Variants in GPC5 observed in about 807,000 individuals in gnomAD.
The protein encoded by GPC5 is glypican-5.
In GPC5, 47 loss-of-function variants were observed where a neutral mutation model predicts 53.9. That is an observed-to-expected ratio of 0.87 (90% confidence interval 0.69 to 1.11). The LOEUF (loss-of-function observed/expected upper bound fraction) is 1.11, where lower values mean the gene tolerates loss of function less well. Ranked by LOEUF, GPC5 falls within the 50% of genes most tolerant of loss-of-function variation. GPC5 has a pLI of 0.00. For synonymous variants in GPC5, 286 were observed against 263.3 expected (o/e 1.09, Z -0.84); for missense variants, 748 against 713.1 (o/e 1.05, Z -0.56).
chr13:91,787,431 T>C (rs1003465564), intron 5 of GPC5, among the ~76,000 whole-genome samples: 1 of 152,210 alleles, frequency 6.6e-6, no homozygotes, highest in African/African-American at 2.4e-5. Context: ...GAGGTGATCA[T>C]ATGTTTTTAA....
At chr13:92,090,428 T>C (rs2041370671) in intron 6 of GPC5, among the ~76,000 whole-genome samples, 1 of 151,528 alleles carries the variant, frequency 6.6e-6, no homozygotes, top group African/African-American at 2.4e-5. Context: ...TATAAAAGAG[T>C]CCCCAGAGAG....
intron 1 of GPC5, among the ~76,000 whole-genome samples, chr13:91,421,163 CCAAGGATTTTAG>C (rs1241906320): frequency 1.3e-5 from 2 of 152,174 alleles, no homozygotes; most frequent in African/African-American, 4.8e-5. Context: ...ATAAACACTT[CCAAGGATTTTAG>C]CATCATTCAC....
chr13:92,724,875 T>TACACAC (rs58824655), intron 7 of GPC5, among the ~76,000 whole-genome samples: 2,297 of 137,734 alleles, frequency 0.017, 33 homozygotes, highest in Non-Finnish European at 0.022. Context: ...GTCCTACACA[T>TACACAC]ACACACACAC....
chr13:91,436,784 G>A (rs985495602), intron 1 of GPC5, among the ~76,000 whole-genome samples: 1 of 152,058 alleles, frequency 6.6e-6, no homozygotes, highest in Admixed American at 6.6e-5. Context: ...GTTGACAGTG[G>A]GGTGTTAAAG....
intron 7 of GPC5, among the ~76,000 whole-genome samples, chr13:92,857,409 T>TA (rs1163890486): frequency 1.3e-5 from 2 of 152,022 alleles, no homozygotes; most frequent in Non-Finnish European, 2.9e-5. Flanking sequence ...TCATCCTTGG[T>TA]AAAAAATTTA....
chr13:92,288,319 A>G (rs1453520995), intron 7 of GPC5, among the ~76,000 whole-genome samples: 1 of 152,024 alleles, frequency 6.6e-6, no homozygotes, highest in Admixed American at 6.6e-5. Flanking sequence ...TCTCTGTTTT[A>G]TAGTATTTTT....
At chr13:91,404,882 A>G (rs921522435) in intron 1 of GPC5, among the ~76,000 whole-genome samples, 8 of 152,254 alleles carry the variant, frequency 5.3e-5, no homozygotes, top group Non-Finnish European at 1.2e-4. Context: ...GCCCCCTGCT[A>G]AGCATGACTA....
chr13:92,443,899 C>A (rs1877683356), intron 7 of GPC5, among the ~76,000 whole-genome samples: 1 of 152,140 alleles, frequency 6.6e-6, no homozygotes, highest in African/African-American at 2.4e-5. Flanking sequence ...GAAAAATGTT[C>A]TTGATCATTG....
intron 5 of GPC5, among the ~76,000 whole-genome samples, chr13:91,826,863 A>T (rs982684384): frequency 6.6e-6 from 1 of 152,084 alleles, no homozygotes; most frequent in Non-Finnish European, 1.5e-5. Context: ...AAATCAATTC[A>T]TGATGGATCA....
chr13:92,758,748 A>G (rs1050757364), intron 7 of GPC5, among the ~76,000 whole-genome samples: 9 of 152,076 alleles, frequency 5.9e-5, no homozygotes, highest in African/African-American at 1.9e-4. Flanking sequence ...TAATTCAGAA[A>G]TTACATGGGA....
intron 5 of GPC5, among the ~76,000 whole-genome samples, chr13:91,852,329 G>A (rs1045499303): frequency 7.2e-5 from 11 of 152,022 alleles, no homozygotes; most frequent in South Asian, 2.1e-4. Flanking sequence ...CAATATCACC[G>A]TCTTTCACTT....
intron 7 of GPC5, among the ~76,000 whole-genome samples, chr13:92,195,078 G>A (rs1296589022): frequency 6.6e-6 from 1 of 152,138 alleles, no homozygotes; most frequent in African/African-American, 2.4e-5. Context: ...GATAAGAATT[G>A]ACAATGAATC....
chr13:92,406,465 G>T (rs1424659747), intron 7 of GPC5, among the ~76,000 whole-genome samples: 3 of 152,046 alleles, frequency 2.0e-5, no homozygotes, highest in African/African-American at 7.3e-5. Context: ...ATATCAACTT[G>T]GAGATCATTT....
chr13:92,044,896 G>T (rs1437818181), intron 6 of GPC5, among the ~76,000 whole-genome samples: 1 of 151,974 alleles, frequency 6.6e-6, no homozygotes, highest in African/African-American at 2.4e-5. Context: ...TTAAAAGGTT[G>T]GTGAAAATAA....
chr13:92,197,210 GA>G (rs1024445087), intron 7 of GPC5, among the ~76,000 whole-genome samples: 7 of 149,544 alleles, frequency 4.7e-5, no homozygotes, highest in Non-Finnish European at 7.4e-5. Flanking sequence ...CCAAGGATGT[GA>G]AAAAAAAATA....
rs113072420 is a variant in GPC5 at position 92,856,524 on chromosome 13, A to G, written c.1562-9758A>G. Among the ~76,000 whole-genome samples the G allele has an allele frequency of 1.4e-4, 21 of 152,248 alleles. 1 individual carries two copies. The highest frequency in any genetic ancestry group is 4.8e-4 in the African/African-American group (20 of 41,570). On this transcript the variant is annotated intron_variant, in intron 7 of 7. Transcript: ENST00000377067. Reference sequence around the variant, plus strand: ...AGAAAGAAATAAAAGGTATCCAAATAGGAAATGAGGAAGTCAAATTATCTC... The same window carrying G: ...AGAAAGAAATAAAAGGTATCCAAATGGGAAATGAGGAAGTCAAATTATCTC...
intron 2 of GPC5, among the ~76,000 whole-genome samples, chr13:91,686,881 T>C (rs1424344663): frequency 6.6e-6 from 1 of 152,000 alleles, no homozygotes; most frequent in African/African-American, 2.4e-5. Flanking sequence ...TTGAGAGTTG[T>C]AATGCACAAA....
rs368835732 is a variant in GPC5 at position 91,610,159 on chromosome 13, A to G, written c.326-83028A>G. On this transcript the variant is annotated intron_variant, in intron 2 of 7. Transcript: ENST00000377067. ...TAATGACAGTGGATATATCTAAAGT[A>G]TGTCAGAACAGTAGAAAGATTATGA... 4.6e-5 allele frequency among the ~76,000 whole-genome samples: 7 copies of G among 152,342 alleles called. No individual in the cohort carries two copies. The East Asian group carries it at 9.6e-4, about 21-fold the overall frequency.
At chr13:91,414,106 C>A (rs1228805066) in intron 1 of GPC5, among the ~76,000 whole-genome samples, 2 of 152,174 alleles carry the variant, frequency 1.3e-5, no homozygotes, top group African/African-American at 4.8e-5. Context: ...TATAGTTTGG[C>A]TGTGTCCCCA....
Sources: allele counts gnomAD v4.1 joint callset (sites outside exome capture counted in the v4.1 genomes callset), GRCh38; gene constraint gnomAD v4.1.1; transcripts MANE v1.5; gene names NCBI Gene and HGNC (gene_info 2026-07-23, HGNC 2026-07-21).